The following PLXNA4 variants were observed in gnomAD, a reference collection of about 807,000 sequenced individuals.
PLXNA4 encodes the protein plexin A4, also known as plexin-A4.
Under a neutral mutation model 191.8 loss-of-function variants are expected in PLXNA4, and 44 were observed. That is an observed-to-expected ratio of 0.23 (90% CI 0.18 to 0.29). The LOEUF is 0.29. Among genes scored for constraint, PLXNA4 ranks in the 10% least tolerant of loss-of-function variants. The probability of loss-of-function intolerance (pLI) is 1.00; values close to 1 mark genes in which losing one functional copy is unlikely to be tolerated. For synonymous variants in PLXNA4, 1,082 were observed against 1,009.5 expected (o/e 1.07, Z -1.36); for missense variants, 1,800 against 2,488.8 (o/e 0.72, Z 5.89).
At chr7:132,563,226 C>A (rs1801416500) in intron 1 of PLXNA4, among the ~76,000 whole-genome samples, 1 of 117,008 alleles carries the variant, frequency 8.5e-6, no homozygotes, top group Admixed American at 8.3e-5. Flanking sequence ...TCCTTCTCCT[C>A]CTCTTTCTCC....
At chr7:132,334,271 T>C (rs1421104618) in intron 3 of PLXNA4, among the ~76,000 whole-genome samples, 1 of 144,984 alleles carries the variant, frequency 6.9e-6, no homozygotes, top group Non-Finnish European at 1.5e-5. Context: ...TTTTTTTTTT[T>C]TTTTGAGATA....
At chr7:132,481,027 A>AG (rs1361773585) in intron 3 of PLXNA4, among the ~76,000 whole-genome samples, 1 of 152,100 alleles carries the variant, frequency 6.6e-6, no homozygotes, top group Non-Finnish European at 1.5e-5. Flanking sequence ...GCTACAGGCA[A>AG]GGGGCTGCAG....
At chr7:132,641,046 C>T (rs1299741433) in intron 2 of PLXNA4, among the ~76,000 whole-genome samples, 1 of 152,178 alleles carries the variant, frequency 6.6e-6, no homozygotes, top group Non-Finnish European at 1.5e-5. Flanking sequence ...TAAAAGTTTG[C>T]TCCACTATTG....
chr7:132,579,436 TGC>T (rs1392009003), upstream of PLXNA4, among the ~76,000 whole-genome samples: 1 of 150,618 alleles, frequency 6.6e-6, no homozygotes, highest in African/African-American at 2.5e-5. Flanking sequence ...TGTGTGTGTG[TGC>T]GTGTGTGTGT....
chr7:132,238,439 T>A (rs1798774260), intron 5 of PLXNA4, among the ~76,000 whole-genome samples: 1 of 152,200 alleles, frequency 6.6e-6, no homozygotes, highest in Non-Finnish European at 1.5e-5. Flanking sequence ...CCAAGGCATG[T>A]GAACTTGAGT....
chr7:132,562,913 C>T (rs1471818818), intron 1 of PLXNA4, among the ~76,000 whole-genome samples: 9 of 109,756 alleles, frequency 8.2e-5, no homozygotes, highest in Admixed American at 1.7e-4. Flanking sequence ...TCCTCCTCCT[C>T]TTCCTCCTCC....
intron 29 of PLXNA4, among the ~76,000 whole-genome samples, chr7:132,141,102 C>G (rs1013268234): frequency 1.4e-4 from 22 of 152,180 alleles, no homozygotes; most frequent in Non-Finnish European, 2.6e-4. Context: ...CAGGGCTCAT[C>G]ATCTTCCCTT....
intron 3 of PLXNA4, among the ~76,000 whole-genome samples, chr7:132,474,928 C>T (rs1398608752): frequency 6.6e-6 from 1 of 152,166 alleles, no homozygotes; most frequent in Admixed American, 6.5e-5. Flanking sequence ...AGTCTCACTA[C>T]CCTCAGCTCA....
At chr7:132,396,115 T>C (rs1282351461) in intron 3 of PLXNA4, among the ~76,000 whole-genome samples, 1 of 152,040 alleles carries the variant, frequency 6.6e-6, no homozygotes, top group East Asian at 1.9e-4. Context: ...GTGGTCAAAG[T>C]GATCACATCA....
At chr7:132,342,862 G>A (rs536539876) in intron 3 of PLXNA4, among the ~76,000 whole-genome samples, 13 of 148,052 alleles carry the variant, frequency 8.8e-5, no homozygotes, top group South Asian at 8.5e-4. Flanking sequence ...AGGGAGAATC[G>A]TTTGAATCCG....
chr7:132,262,328 C>T (rs1002315930), intron 4 of PLXNA4, among the ~76,000 whole-genome samples: 4 of 152,148 alleles, frequency 2.6e-5, no homozygotes, highest in African/African-American at 4.8e-5. Flanking sequence ...TATTCATCTC[C>T]GTCATTAGGC....
At chr7:132,567,136 A>G (rs1415457471) in intron 1 of PLXNA4, among the ~76,000 whole-genome samples, 1 of 152,172 alleles carries the variant, frequency 6.6e-6, no homozygotes, top group Non-Finnish European at 1.5e-5. Context: ...AGGTTTCCCA[A>G]CAACAGGTCT....
chr7:132,528,276 A>G (rs114158643), intron 1 of PLXNA4, among the ~76,000 whole-genome samples: 5,811 of 152,252 alleles, frequency 0.038, 307 homozygotes, highest in African/African-American at 0.11. Context: ...AGGCTTCTCC[A>G]TGGTGCGGAC....
intron 3 of PLXNA4, among the ~76,000 whole-genome samples, chr7:132,483,577 G>A (rs1401969743): frequency 6.6e-6 from 1 of 152,214 alleles, no homozygotes; most frequent in Non-Finnish European, 1.5e-5. Flanking sequence ...TTGTGTATCA[G>A]CTGACTGAAT....
intron 1 of PLXNA4, among the ~76,000 whole-genome samples, chr7:132,563,375 CTTCTCCTCCTCCTCCTCT>C (rs1801450036): frequency 2.7e-5 from 3 of 109,494 alleles, no homozygotes; most frequent in Admixed American, 1.8e-4. Flanking sequence ...CCTCCTCCTC[CTTCTCCTCCTCCTCCTCT>C]TTCTCCTCCT....
chr7:132,605,816 C>G (rs941853150), intron 2 of PLXNA4, among the ~76,000 whole-genome samples: 1 of 152,084 alleles, frequency 6.6e-6, no homozygotes, highest in African/African-American at 2.4e-5. Context: ...AATTTGGACA[C>G]AGAGAGACCC....
intron 3 of PLXNA4, among the ~76,000 whole-genome samples, chr7:132,439,789 C>A (rs1795619459): frequency 6.6e-6 from 1 of 152,194 alleles, no homozygotes; most frequent in African/African-American, 2.4e-5. Context: ...GGCCCTAGGA[C>A]AGTTTCCTCT....
At chr7:132,305,350 A>C (rs1020266951) in intron 3 of PLXNA4, among the ~76,000 whole-genome samples, 3 of 147,170 alleles carry the variant, frequency 2.0e-5, no homozygotes, top group African/African-American at 7.6e-5. Context: ...CACTACATGC[A>C]GCTTACCAAG....
At chr7:132,295,989 T>C (rs185467624) in intron 4 of PLXNA4, among the ~76,000 whole-genome samples, 1 of 152,304 alleles carries the variant, frequency 6.6e-6, no homozygotes, top group African/African-American at 2.4e-5. Flanking sequence ...TAAATGAGAT[T>C]TAAGATTCCC....
Sources: allele counts gnomAD v4.1 joint callset (sites outside exome capture counted in the v4.1 genomes callset), GRCh38; gene constraint gnomAD v4.1.1; transcripts MANE v1.5; gene names NCBI Gene and HGNC (gene_info 2026-07-23, HGNC 2026-07-21).